Variants in GRM8 observed in about 807,000 individuals in gnomAD.
The protein encoded by GRM8 is glutamate metabotropic receptor 8.
In GRM8, 47 loss-of-function variants were observed where a neutral mutation model predicts 87.2. That is an observed-to-expected ratio of 0.54 (90% confidence interval 0.43 to 0.69). GRM8 has a LOEUF of 0.69. GRM8 is among the 30% of genes least tolerant of loss of function. GRM8 has a pLI of 0.00. For synonymous variants in GRM8, 396 were observed against 404.5 expected, an observed-to-expected ratio of 0.98 and a Z score of 0.25; for missense variants, 1,019 against 1,139.2, an observed-to-expected ratio of 0.89 and a Z score of 1.52.
intron 9 of GRM8, among the ~76,000 whole-genome samples, chr7:126,488,257 T>C (rs1213624137): frequency 6.6e-6 from 1 of 152,052 alleles, no homozygotes; most frequent in African/African-American, 2.4e-5. Flanking sequence ...CCAACATTCA[T>C]ATTAACACAC....
intron 10 of GRM8, among the ~76,000 whole-genome samples, chr7:126,443,553 G>C (rs1388762757): frequency 6.6e-6 from 1 of 151,776 alleles, no homozygotes; most frequent in Non-Finnish European, 1.5e-5. Context: ...ACTTTACTTC[G>C]GCCCAACTTA....
chr7:126,751,580 T>C (rs1816421893), intron 7 of GRM8, among the ~76,000 whole-genome samples: 1 of 152,148 alleles, frequency 6.6e-6, no homozygotes. Context: ...TTCCTTGGCT[T>C]AGCCAATCCT....
At chr7:126,482,770 T>G (rs982512813) in intron 9 of GRM8, among the ~76,000 whole-genome samples, 1 of 152,004 alleles carries the variant, frequency 6.6e-6, no homozygotes, top group African/African-American at 2.4e-5. Flanking sequence ...CTGCACTGTA[T>G]ACTTAAAAAT....
chr7:126,597,289 TA>T (rs1175653160), intron 8 of GRM8, among the ~76,000 whole-genome samples: 1 of 152,136 alleles, frequency 6.6e-6, no homozygotes, highest in Non-Finnish European at 1.5e-5. Context: ...GTCTTGCTTT[TA>T]TAAATCACTG....
chr7:127,033,854 A>C lies in GRM8; in HGVS notation c.727+72642T>G, dbSNP rs1448200816. 2.6e-5 allele frequency among the ~76,000 whole-genome samples: 4 copies of C among 152,248 alleles called. 1 individual carries two copies. The highest frequency in any genetic ancestry group is 5.9e-5 in the Non-Finnish European group (4 of 68,030). On this transcript the variant is annotated intron_variant, in intron 3 of 10. Coordinates refer to ENST00000339582, the MANE Select transcript of GRM8 (RefSeq NM_000845.3). ...TAATGAAAGCTAAAATCACATGTGT[A>C]AACACATTGCTTTTAATCTATTCAA... is the stretch of plus-strand genomic sequence containing the variant.
At chr7:126,794,466 T>G (rs2151685730) in intron 6 of GRM8, among the ~76,000 whole-genome samples, 1 of 152,282 alleles carries the variant, frequency 6.6e-6, no homozygotes, top group East Asian at 1.9e-4. Context: ...TGTATTTTAT[T>G]TGCTACCTAA....
In GRM8 at chr7:126,533,729, C is replaced by T; in HGVS notation, c.1653G>A (p.Leu551=). The change falls in exon 9 of 11, where the codon CTG becomes CTA. Residue 551 remains leucine (L), a synonymous_variant. Transcript: ENST00000339582. The part of the protein sequence containing the change: ...CEGYNYQVDE[L]SCELCPLDQR... ...GATCCAGAGGGCAAAGTTCACAGGA[C>T]AGCTCATCCACCTGGTAGTTGTAAC... 2.5e-6 allele frequency: 4 copies of T among 1,614,120 alleles called. No homozygotes were observed. Among genetic ancestry groups the T allele is most frequent in the Non-Finnish European group, 3.4e-6 (4 of 1,179,996 alleles).
At chr7:126,451,725 T>C (rs1242607613) in intron 9 of GRM8, among the ~76,000 whole-genome samples, 1 of 151,772 alleles carries the variant, frequency 6.6e-6, no homozygotes, top group Non-Finnish European at 1.5e-5. Flanking sequence ...CCCTGGCTGA[T>C]CTTGGAACAT....
chr7:126,940,854 C>A (rs965274636), intron 3 of GRM8, among the ~76,000 whole-genome samples: 1 of 152,120 alleles, frequency 6.6e-6, no homozygotes, highest in Non-Finnish European at 1.5e-5. Context: ...GGCTAAGAGC[C>A]CAGCCTGGAG....
intron 2 of GRM8, among the ~76,000 whole-genome samples, chr7:127,206,078 T>G (rs1018406680): frequency 6.6e-6 from 1 of 152,170 alleles, no homozygotes; most frequent in African/African-American, 2.4e-5. Flanking sequence ...CCAGAACCAG[T>G]CTTTGAACTA....
intron 2 of GRM8, among the ~76,000 whole-genome samples, chr7:127,165,684 T>C (rs992260592): frequency 1.3e-5 from 2 of 152,194 alleles, no homozygotes; most frequent in African/African-American, 4.8e-5. Context: ...CTTTGTTTCC[T>C]AAGAAATTGC....
chr7:126,907,201 GGAAGGAGGAGGAAGAGATGGA>G (rs1246271913), intron 3 of GRM8, among the ~76,000 whole-genome samples: 36 of 150,216 alleles, frequency 2.4e-4, no homozygotes, highest in Admixed American at 4.7e-4. Flanking sequence ...AGGAGCAGAT[GGAAGGAGGAGGAAGAGATGGA>G]GGAGGAGGAG....
At chr7:126,602,563 G>A (rs1797916069) in intron 8 of GRM8, among the ~76,000 whole-genome samples, 1 of 142,780 alleles carries the variant, frequency 7.0e-6, no homozygotes, top group Non-Finnish European at 1.6e-5. Flanking sequence ...TCCTACCCAT[G>A]AGCATGGAAT....
intron 3 of GRM8, among the ~76,000 whole-genome samples, chr7:127,039,906 G>C (rs1315144606): frequency 2.8e-5 from 1 of 36,334 alleles, no homozygotes; most frequent in Non-Finnish European, 5.5e-5. Flanking sequence ...GGAAGGTGAG[G>C]GGGAAGGTGA....
chr7:126,540,167 A>G (rs1816367727), intron 8 of GRM8, among the ~76,000 whole-genome samples: 1 of 152,178 alleles, frequency 6.6e-6, no homozygotes, highest in South Asian at 2.1e-4. Context: ...CATGTCCCAA[A>G]GAAGATATAC....
chr7:126,998,808 A>T (rs997823825), intron 3 of GRM8, among the ~76,000 whole-genome samples: 1 of 151,902 alleles, frequency 6.6e-6, no homozygotes, highest in Non-Finnish European at 1.5e-5. Context: ...GAAGGAATCA[A>T]TATTGCTAAA....
chr7:127,116,712 G>A (rs1826720696), intron 2 of GRM8, among the ~76,000 whole-genome samples: 2 of 152,204 alleles, frequency 1.3e-5, no homozygotes, highest in South Asian at 4.1e-4. Context: ...CCTCTCACTT[G>A]AGATCTCCTT....
intron 8 of GRM8, among the ~76,000 whole-genome samples, chr7:126,555,872 G>A (rs1204582003): frequency 6.6e-6 from 1 of 152,114 alleles, no homozygotes. Flanking sequence ...ATTTGCTAAT[G>A]CCCATGAAAA....
intron 7 of GRM8, among the ~76,000 whole-genome samples, chr7:126,619,361 C>T (rs1262665753): frequency 6.6e-6 from 1 of 152,018 alleles, no homozygotes; most frequent in Admixed American, 6.6e-5. Flanking sequence ...ACATCACACA[C>T]TGGGGCCTGT....
Sources: allele counts gnomAD v4.1 joint callset (sites outside exome capture counted in the v4.1 genomes callset), GRCh38; gene constraint gnomAD v4.1.1; transcripts MANE v1.5; gene names NCBI Gene and HGNC (gene_info 2026-07-23, HGNC 2026-07-21).